The following PIBF1 variants were observed in gnomAD, a reference collection of about 807,000 sequenced individuals.
The protein encoded by PIBF1 is progesterone-induced-blocking factor 1.
PIBF1 carries 90 observed loss-of-function variants against 112.5 expected under a neutral mutation model. That is an observed-to-expected ratio of 0.80 (90% CI 0.67 to 0.95). The LOEUF is 0.95. PIBF1 is among the 40% of genes least tolerant of loss of function. The pLI is 0.00. For missense variants in PIBF1, 915 were observed against 852.3 expected (o/e 1.07, Z -0.92); for synonymous variants, 301 against 288.6 (o/e 1.04, Z -0.44).
intron 13 of PIBF1, among the ~76,000 whole-genome samples, chr13:72,920,519 T>C (rs1192414252): frequency 6.6e-6 from 1 of 152,258 alleles, no homozygotes; most frequent in African/African-American, 2.4e-5. Flanking sequence ...TTTGAGTTCA[T>C]AATGGATATT....
intron 17 of PIBF1, among the ~76,000 whole-genome samples, chr13:73,005,310 AT>A (rs869132959): frequency 4.7e-5 from 7 of 148,288 alleles, no homozygotes; most frequent in East Asian, 3.9e-4. Context: ...AAAAAAAAAA[AT>A]TTTTTTTTTA....
At chr13:73,011,947 G>A (rs2044216705) in intron 17 of PIBF1, among the ~76,000 whole-genome samples, 1 of 152,172 alleles carries the variant, frequency 6.6e-6, no homozygotes, top group South Asian at 2.1e-4. Context: ...AACAGATAAA[G>A]TAGACAGCTT....
intron 17 of PIBF1, among the ~76,000 whole-genome samples, chr13:73,015,291 C>G (rs2044351926): frequency 6.6e-6 from 1 of 152,168 alleles, no homozygotes; most frequent in Non-Finnish European, 1.5e-5. Context: ...CGCGCCCAGC[C>G]AAAATAGGAA....
Position 72,999,005 on chromosome 13 carries a change from A to G in PIBF1, c.2223+10A>G, listed in dbSNP as rs1433093501. ...TAAACCAACACTCTTTGTAAGTACA[A>G]TTTTTAAAACTCATAATTTTAATAT... On this transcript the variant is annotated intron_variant, in intron 17 of 17. Coordinates refer to ENST00000326291, the MANE Select transcript of PIBF1 (RefSeq NM_006346.4). 4.0e-6 allele frequency: 6 copies of G among 1,512,884 alleles called. No individual in the cohort carries two copies. The highest frequency in any genetic ancestry group is 5.4e-6 in the Non-Finnish European group (6 of 1,111,078). 93.7% of individuals were successfully genotyped at this position (1,512,884 alleles called of 1,614,324 possible).
At chr13:72,871,327 A>T (rs762382222) in intron 10 of PIBF1, among the ~76,000 whole-genome samples, 1 of 151,990 alleles carries the variant, frequency 6.6e-6, no homozygotes, top group Non-Finnish European at 1.5e-5. Context: ...CTCTTTTGAG[A>T]TGGAGTCTTG....
intron 10 of PIBF1, among the ~76,000 whole-genome samples, chr13:72,869,576 C>A (rs1211865185): frequency 5.9e-5 from 9 of 151,506 alleles, no homozygotes; most frequent in African/African-American, 2.2e-4. Context: ...TGTAACTAAC[C>A]TGCACATTGT....
At chr13:72,903,944 T>C (rs796128986) in intron 11 of PIBF1, among the ~76,000 whole-genome samples, 22 of 152,322 alleles carry the variant, frequency 1.4e-4, no homozygotes, top group African/African-American at 5.3e-4. Context: ...GTTTGGCTCA[T>C]ATAAAACAAC....
intron 13 of PIBF1, among the ~76,000 whole-genome samples, chr13:72,929,546 T>C (rs1398275270): frequency 6.6e-6 from 1 of 152,150 alleles, no homozygotes; most frequent in Non-Finnish European, 1.5e-5. Context: ...ATGAAAATGC[T>C]CTAAAATTAG....
At chr13:72,881,439 C>T (rs575983991) in intron 10 of PIBF1, among the ~76,000 whole-genome samples, 9 of 152,042 alleles carry the variant, frequency 5.9e-5, no homozygotes, top group Non-Finnish European at 1.0e-4. Context: ...AAGAAGTGGC[C>T]GGGTGCAGTG....
At chr13:72,982,200 G>A (rs1049675162) in intron 16 of PIBF1, among the ~76,000 whole-genome samples, 4 of 152,118 alleles carry the variant, frequency 2.6e-5, no homozygotes, top group Non-Finnish European at 5.9e-5. Flanking sequence ...CACTTAGGAA[G>A]GCCAAGGCAG....
chr13:72,835,991 C>T, intron 9 of PIBF1: 4 of 335,320 alleles, frequency 1.2e-5, no homozygotes, highest in South Asian at 2.5e-5. Context: ...CCCAGCTACT[C>T]GGGAGGCTGA....
chr13:72,975,443 A>T (rs2042996998), intron 16 of PIBF1, among the ~76,000 whole-genome samples: 1 of 152,158 alleles, frequency 6.6e-6, no homozygotes, highest in South Asian at 2.1e-4. Flanking sequence ...GGAAGAAATT[A>T]TTGGGAGAAT....
chr13:72,972,124 C>G (rs1015041624), intron 15 of PIBF1, among the ~76,000 whole-genome samples: 2 of 151,820 alleles, frequency 1.3e-5, no homozygotes, highest in Non-Finnish European at 1.5e-5. Context: ...GCCTCAAACT[C>G]CTGGGCTCGA....
At chr13:72,923,707 A>G (rs1360651720) in intron 13 of PIBF1, among the ~76,000 whole-genome samples, 4 of 152,186 alleles carry the variant, frequency 2.6e-5, no homozygotes, top group Non-Finnish European at 4.4e-5. Context: ...GCTCACGCCT[A>G]TAATCCCAGC....
chr13:73,009,969 A>G (rs995735696), intron 17 of PIBF1, among the ~76,000 whole-genome samples: 1 of 152,170 alleles, frequency 6.6e-6, no homozygotes, highest in Non-Finnish European at 1.5e-5. Flanking sequence ...GTTTTTATTT[A>G]CCTTCTCCCT....
intron 17 of PIBF1, among the ~76,000 whole-genome samples, chr13:73,004,878 C>G (rs2043983868): frequency 6.6e-6 from 1 of 152,050 alleles, no homozygotes; most frequent in Admixed American, 6.6e-5. Context: ...AGTAATACCA[C>G]TGATATGTAC....
At chr13:72,955,301 C>G (rs965206737) in intron 14 of PIBF1, among the ~76,000 whole-genome samples, 2 of 151,884 alleles carry the variant, frequency 1.3e-5, no homozygotes, top group Non-Finnish European at 2.9e-5. Context: ...TGGATCCAGA[C>G]AGTATGCTAG....
intron 5 of PIBF1, among the ~76,000 whole-genome samples, chr13:72,809,868 C>A (rs929147554): frequency 1.3e-5 from 2 of 152,058 alleles, no homozygotes; most frequent in Non-Finnish European, 2.9e-5. Flanking sequence ...GAATTACAGG[C>A]ATGAGCCACT....
chr13:72,854,215 C>A (rs2038308360), intron 10 of PIBF1, 60 bp downstream of exon 10: 6 of 1,083,146 alleles, frequency 5.5e-6, no homozygotes, highest in South Asian at 5.4e-5. Context: ...GTTACATATT[C>A]TTTTAGAAAA....
Sources: allele counts gnomAD v4.1 joint callset (sites outside exome capture counted in the v4.1 genomes callset), GRCh38; gene constraint gnomAD v4.1.1; transcripts MANE v1.5; gene names NCBI Gene and HGNC (gene_info 2026-07-23, HGNC 2026-07-21).